The following WWOX variants were observed in gnomAD, a reference collection of about 807,000 sequenced individuals.
WWOX encodes WW domain containing oxidoreductase.
A neutral mutation model predicts 46.2 loss-of-function variants in WWOX; 69 were observed. The ratio of observed to expected loss-of-function variants is 1.49; its 90% CI spans 1.23 to 1.82. WWOX has a LOEUF of 1.82. WWOX is among the 40% of genes most tolerant of loss of function. The probability of loss-of-function intolerance (pLI) is 0.00; values close to 1 mark genes in which losing one functional copy is unlikely to be tolerated. For synonymous variants in WWOX, 359 were observed against 202.6 expected (o/e 1.77, Z -6.56); for missense variants, 919 against 542.6 (o/e 1.69, Z -6.89).
At chr16:78,392,980 C>A (rs8058511) in intron 6 of WWOX, among the ~76,000 whole-genome samples, 3 of 152,038 alleles carry the variant, frequency 2.0e-5, no homozygotes, top group Non-Finnish European at 4.4e-5. Context: ...CAGCGGTCGT[C>A]GGCCAGTGTG....
intron 8 of WWOX, chr16:78,898,316 T>C (rs2044748487): frequency 6.6e-6 from 1 of 152,182 alleles, no homozygotes; most frequent in South Asian, 2.1e-4. Flanking sequence ...TTAATTTTTG[T>C]ATATGGTGTG....
At chr16:79,044,634 C>T (rs1027476793) in intron 8 of WWOX, among the ~76,000 whole-genome samples, 2 of 152,138 alleles carry the variant, frequency 1.3e-5, no homozygotes, top group Non-Finnish European at 2.9e-5. Flanking sequence ...GAACTATGAG[C>T]CAATTAAACC....
At chr16:78,973,500 C>G (rs1354795508) in intron 8 of WWOX, among the ~76,000 whole-genome samples, 4 of 152,200 alleles carry the variant, frequency 2.6e-5, no homozygotes, top group African/African-American at 7.2e-5. Context: ...TCTCTAACAA[C>G]ATGTCTGATG....
intron 8 of WWOX, among the ~76,000 whole-genome samples, chr16:78,647,604 T>C (rs1033498318): frequency 1.3e-5 from 2 of 152,208 alleles, no homozygotes; most frequent in Non-Finnish European, 2.9e-5. Context: ...CTCCCCATTC[T>C]ATAAAATAAC....
rs56094932 is a variant in WWOX, at chr16:78,961,702, T to C, written c.1057-249906T>C. Among the ~76,000 whole-genome samples the C allele has an allele frequency of 9.9e-3, 1,512 of 152,228 alleles. 12 individuals are homozygous for C. The highest frequency in any genetic ancestry group is 0.017 in the Non-Finnish European group (1,138 of 68,006). On this transcript the variant is annotated intron_variant, in intron 8 of 8. Coordinates refer to ENST00000566780, the MANE Select transcript of WWOX (RefSeq NM_016373.4). The stretch of plus-strand genomic sequence containing the variant: ...GGTGAGCTTGTTAAAATAAGCATAT[T>C]CTGGGTATCACTTCCTGATTTTCTG...
intron 5 of WWOX, among the ~76,000 whole-genome samples, chr16:78,250,853 C>T (rs2037965754): frequency 6.6e-6 from 1 of 152,144 alleles, no homozygotes; most frequent in African/African-American, 2.4e-5. Flanking sequence ...CACTTAACAC[C>T]CTCCCCCTAA....
intron 5 of WWOX, among the ~76,000 whole-genome samples, chr16:78,376,873 A>C (rs2081841778): frequency 6.6e-6 from 1 of 152,204 alleles, no homozygotes; most frequent in Admixed American, 6.5e-5. Flanking sequence ...CCATTTGAGG[A>C]TCATTCCGAT....
chr16:78,752,420 T>G lies in WWOX; in HGVS notation c.1056+319668T>G, dbSNP rs963639244. On this transcript the variant is annotated intron_variant, in intron 8 of 8. Coordinates refer to ENST00000566780, the MANE Select transcript of WWOX (RefSeq NM_016373.4). The stretch of plus-strand genomic sequence containing the variant: ...CTTCTGCCTCAGCCTTCTGAGTAGC[T>G]GGGATTACAGGCACACACCACCACA... 3.9e-5 allele frequency among the ~76,000 whole-genome samples: 6 copies of G among 152,312 alleles called. No individual in the cohort carries two copies. In the East Asian group the frequency reaches 1.2e-3, roughly 29 times the overall value.
intron 8 of WWOX, among the ~76,000 whole-genome samples, chr16:78,671,252 G>A (rs769158697): frequency 7.9e-5 from 12 of 152,088 alleles, no homozygotes; most frequent in South Asian, 2.1e-4. Context: ...GCGAGACCCC[G>A]TCTCTACAAA....
chr16:78,815,508 G>A (rs866609723), intron 8 of WWOX, among the ~76,000 whole-genome samples: 8 of 152,076 alleles, frequency 5.3e-5, no homozygotes, highest in Non-Finnish European at 7.4e-5. Context: ...TGTACCATCT[G>A]CCTCTTGCCA....
chr16:78,746,912 G>A (rs1226003635), intron 8 of WWOX, among the ~76,000 whole-genome samples: 1 of 152,064 alleles, frequency 6.6e-6, no homozygotes, highest in Non-Finnish European at 1.5e-5. Context: ...AGTAGCTGAT[G>A]AATACACCAC....
At chr16:78,890,166 C>T (rs2044557915) in intron 8 of WWOX, 1 of 152,128 alleles carries the variant, frequency 6.6e-6, no homozygotes, top group Non-Finnish European at 1.5e-5. Flanking sequence ...TTTTGAAGCA[C>T]ATATACACAC....
At chr16:78,919,055 G>T (rs557012772) in intron 8 of WWOX, among the ~76,000 whole-genome samples, 119 of 152,216 alleles carry the variant, frequency 7.8e-4, no homozygotes, top group Admixed American at 2.4e-3. Context: ...AGCAGCCGCT[G>T]CCAAGGGGGG....
chr16:78,313,207 C>G (rs1343054484), intron 5 of WWOX, among the ~76,000 whole-genome samples: 2 of 152,174 alleles, frequency 1.3e-5, no homozygotes, highest in African/African-American at 2.4e-5. Context: ...CAGGGCTCTT[C>G]CACTTGCTAG....
At chr16:79,135,262 T>G (rs973774420) in intron 8 of WWOX, among the ~76,000 whole-genome samples, 2 of 152,212 alleles carry the variant, frequency 1.3e-5, no homozygotes, top group Admixed American at 1.3e-4. Context: ...ATATTTTGTG[T>G]ATGAGTACAC....
At chr16:78,993,311 A>G (rs372246638) in intron 8 of WWOX, among the ~76,000 whole-genome samples, 1 of 152,096 alleles carries the variant, frequency 6.6e-6, no homozygotes, top group Non-Finnish European at 1.5e-5. Context: ...GCTTTTTATA[A>G]TTAAAAAGGG....
intron 8 of WWOX, among the ~76,000 whole-genome samples, chr16:78,568,402 C>G (rs913121977): frequency 6.6e-6 from 1 of 151,686 alleles, no homozygotes; most frequent in Non-Finnish European, 1.5e-5. Flanking sequence ...TGAGTTATTA[C>G]CAAGAAATTG....
At chr16:78,560,670 CAAT>C (rs970997662) in intron 8 of WWOX, among the ~76,000 whole-genome samples, 3 of 151,500 alleles carry the variant, frequency 2.0e-5, no homozygotes, top group African/African-American at 7.3e-5. Flanking sequence ...AATAATGTTA[CAAT>C]AATAATAATG....
chr16:78,310,071 C>T (rs1489037309), intron 5 of WWOX, among the ~76,000 whole-genome samples: 2 of 152,052 alleles, frequency 1.3e-5, no homozygotes, highest in Non-Finnish European at 2.9e-5. Context: ...CTCCTTCCCC[C>T]TCTCTTTTTC....
Sources: allele counts gnomAD v4.1 joint callset (sites outside exome capture counted in the v4.1 genomes callset), GRCh38; gene constraint gnomAD v4.1.1; transcripts MANE v1.5; gene names NCBI Gene and HGNC (gene_info 2026-07-23, HGNC 2026-07-21).